The following KCTD13 variants were observed in gnomAD, a reference collection of about 807,000 sequenced individuals.
KCTD13 encodes potassium channel tetramerization domain containing 13, also known as BTB/POZ domain-containing adapter for CUL3-mediated RhoA degradation protein 1.
A neutral mutation model predicts 32.3 loss-of-function variants in KCTD13; 15 were observed. The ratio of observed to expected loss-of-function variants is 0.46; its 90% CI spans 0.31 to 0.71. The LOEUF (loss-of-function observed/expected upper bound fraction) is 0.71. Ranked by LOEUF, KCTD13 falls within the 30% of genes least tolerant of loss-of-function variation. The probability of loss-of-function intolerance (pLI) is 0.05; values close to 1 mark genes in which losing one functional copy is unlikely to be tolerated. For missense variants in KCTD13, 337 were observed against 452.6 expected, an observed-to-expected ratio of 0.74 and a Z score of 2.32; for synonymous variants, 189 against 200.1, an observed-to-expected ratio of 0.94 and a Z score of 0.47.
chr16:29,911,585 C>T (rs573059314), intron 4 of KCTD13: 5 of 596,974 alleles, frequency 8.4e-6, no homozygotes, highest in Admixed American at 3.0e-5. Flanking sequence ...GGGATAGGCT[C>T]GCCACTATCA....
rs117594597 is a variant in KCTD13, at chr16:29,911,297, G to C, written c.558-124C>G. ...GCCCAGGGCTTTGGTGCTCAACAGA[G>C]AGCCTCCTCCACCCCTGGGGCCAGG... On this transcript the variant is annotated intron_variant, in intron 4 of 5. Coordinates refer to ENST00000568000, the MANE Select transcript of KCTD13 (RefSeq NM_178863.5). The C allele has an allele frequency of 3.0e-4, 224 of 749,976 alleles. No homozygotes were observed. In the East Asian group the frequency reaches 6.0e-3, roughly 20 times the overall value. 46.5% of individuals were successfully genotyped at this position (749,976 alleles called of 1,614,324 possible).
rs760282523 is a variant in KCTD13, at chr16:29,923,067, G to A, written c.414+123C>T. 7.4e-6 allele frequency: 8 copies of A among 1,082,038 alleles called. No homozygotes were observed. The Admixed American group carries it at 8.3e-5, about 11-fold the overall frequency. 67.0% of individuals were successfully genotyped at this position (1,082,038 alleles called of 1,614,324 possible). On this transcript the variant is annotated intron_variant, in intron 2 of 5. Coordinates refer to ENST00000568000, the MANE Select transcript of KCTD13 (RefSeq NM_178863.5). ...CAGAAGATGGCACCTCAAATTCTCT[G>A]GGGTTATGGCCAGCCAAAGCCAGGC...
At chr16:29,921,343 TG>T (rs1480936887) in intron 2 of KCTD13, 1 of 152,054 alleles carries the variant, frequency 6.6e-6, no homozygotes, top group Non-Finnish European at 1.5e-5. Context: ...CCAATATTGA[TG>T]AAGTGCCACA....
chr16:29,911,676 T>C (rs1299142279), intron 4 of KCTD13, 139 bp downstream of exon 4: 1 of 817,156 alleles, frequency 1.2e-6, no homozygotes, highest in African/African-American at 1.7e-5. Flanking sequence ...GCGTCAGGGG[T>C]AAGAGGCGAA....
Position 29,911,066 on chromosome 16 carries a change from C to G in KCTD13, c.665G>C (p.Cys222Ser), listed in dbSNP as rs760599600. The G allele has an allele frequency of 1.2e-6, 2 of 1,614,212 alleles. No individual in the cohort carries two copies. The highest frequency in any genetic ancestry group is 1.7e-5 in the Admixed American group (1 of 60,022). Residue 222 changes from cysteine to serine, a missense_variant, in exon 5 of 6, where the codon TGC becomes TCC. Coordinates refer to ENST00000568000, the MANE Select transcript of KCTD13 (RefSeq NM_178863.5). ...GCCCTGCCCGTAGAAAGACCAGCAG[C>G]AGATCTCGTCCCCCAGGACATCCTT... ...FLKDVLGDEI[C>S]CWSFYGQGRK...
Position 29,926,133 on chromosome 16 carries a change from C to T in KCTD13, c.-100G>A. ...GGCCCCCAGCCCTTGGGCCAGACCG[C>T]TCGGCGCACACGCCCACTCACCGCA... is the stretch of plus-strand genomic sequence containing the variant. On this transcript the variant is annotated 5_prime_UTR_variant, in exon 1 of 6. Coordinates refer to ENST00000568000, the MANE Select transcript of KCTD13 (RefSeq NM_178863.5). 7.6e-7 allele frequency: 1 copy of T among 1,312,188 alleles called. No homozygotes were observed. Among genetic ancestry groups the T allele is most frequent in the South Asian group, 1.6e-5 (1 of 61,374 alleles). 81.3% of individuals were successfully genotyped at this position (1,312,188 alleles called of 1,614,324 possible).
chr16:29,917,871 C>T (rs542364172), intron 2 of KCTD13, among the ~76,000 whole-genome samples: 1 of 152,238 alleles, frequency 6.6e-6, no homozygotes, highest in African/African-American at 2.4e-5. Flanking sequence ...TTGTTTGAAC[C>T]TGGGAGGTGG....
chr16:29,906,834 G>T lies in KCTD13; in HGVS notation c.*38C>A. Reference sequence around the variant, plus strand: ...GGGGAGGGAAAGAGAGAGGGACTGGGTCCCAAGGCAAGAGGAAGGCAGGGG... The same window carrying T: ...GGGGAGGGAAAGAGAGAGGGACTGGTTCCCAAGGCAAGAGGAAGGCAGGGG... On this transcript the variant is annotated 3_prime_UTR_variant, in exon 6 of 6. Transcript: ENST00000568000. 6.4e-7 allele frequency: 1 copy of T among 1,570,788 alleles called. No homozygotes were observed. Among genetic ancestry groups the T allele is most frequent in the Non-Finnish European group, 8.8e-7 (1 of 1,142,260 alleles).
intron 1 of KCTD13, chr16:29,925,477 G>A (rs1234355472): frequency 2.3e-6 from 1 of 428,160 alleles, no homozygotes; most frequent in African/African-American, 2.1e-5. Context: ...GTCTTGAGCT[G>A]AGGGGTGAAG....
chr16:29,911,761 A>AG, intron 4 of KCTD13, 54 bp downstream of exon 4: 7 of 1,591,348 alleles, frequency 4.4e-6, no homozygotes, highest in Non-Finnish European at 6.0e-6. Flanking sequence ...GGGCAGAAGC[A>AG]GGGCTGTGCT....
At position 29,906,530 on chromosome 16, in the gene KCTD13, G is replaced by A. The variant is rs1417030942; in HGVS notation, c.*342C>T. ...GGGAGGCTGCTCAGACTGTGGTGAT[G>A]TCAGGAAGGGCCGCACACTTTGGCA... On this transcript the variant is annotated 3_prime_UTR_variant, in exon 6 of 6. Coordinates refer to ENST00000568000, the MANE Select transcript of KCTD13 (RefSeq NM_178863.5). 2.1e-6 allele frequency: 1 copy of A among 486,998 alleles called. No homozygotes were observed. Among genetic ancestry groups the A allele is most frequent in the Non-Finnish European group, 4.0e-6 (1 of 247,310 alleles). 30.2% of individuals were successfully genotyped at this position (486,998 alleles called of 1,614,324 possible).
intron 2 of KCTD13, chr16:29,920,388 G>C (rs1026698839): frequency 2.0e-5 from 3 of 152,190 alleles, no homozygotes; most frequent in African/African-American, 7.2e-5. Context: ...TCTGAACTTT[G>C]CTGAGAACAG....
At chr16:29,914,975 CAAA>C (rs538063744) in intron 2 of KCTD13, 3 of 128,838 alleles carry the variant, frequency 2.3e-5, no homozygotes, top group Non-Finnish European at 5.0e-5. Context: ...GACTCTGTCT[CAAA>C]AAAAAAAAAA....
intron 2 of KCTD13, chr16:29,921,192 T>C (rs1276127340): frequency 1.3e-5 from 2 of 152,160 alleles, no homozygotes; most frequent in Admixed American, 6.5e-5. Flanking sequence ...TGCACACATA[T>C]GCAGAACAAT....
intron 4 of KCTD13, chr16:29,911,558 C>G (rs2068709743): frequency 1.7e-6 from 1 of 591,306 alleles, no homozygotes; most frequent in African/African-American, 1.9e-5. Flanking sequence ...CTGCCAGTTC[C>G]TAGAATGAGA....
rs748489378 is a variant in KCTD13, at chr16:29,911,111, T to C, written c.620A>G (p.His207Arg). Reference protein sequence around the residue: ...ELFDKLALRFHGRLLFLKDVL... With the variant: ...ELFDKLALRFRGRLLFLKDVL... ...ATCCTTGAGGAAGAGTAGCCGCCCG[T>C]GGAAGCGCAGGGCCAGCTTGTCGAA... The change falls in exon 5 of 6, where the codon CAC becomes CGC. Residue 207 changes from histidine to arginine, a missense_variant. Physicochemically the swap from His to Arg is conservative, Grantham distance 29 (BLOSUM62 0). Around this residue, in one of 3 missense-constraint regions of KCTD13, gnomAD observed 252 missense variants for 340.2 expected, o/e 0.74. Transcript: ENST00000568000. The C allele has an allele frequency of 1.9e-6, 3 of 1,614,096 alleles. 1 individual carries two copies. In the South Asian group the frequency reaches 3.3e-5, roughly 18 times the overall value.
chr16:29,911,364 TCCCAG>T (rs2068705816), intron 4 of KCTD13, 191 bp from the exon 5 acceptor site: 10 of 602,668 alleles, frequency 1.7e-5, no homozygotes, highest in Non-Finnish European at 2.6e-5. Context: ...GCTGAGCAAA[TCCCAG>T]CACAGCACAG....
chr16:29,921,959 ACT>A (rs1300704494), intron 2 of KCTD13: 1 of 152,048 alleles, frequency 6.6e-6, no homozygotes, highest in Non-Finnish European at 1.5e-5. Context: ...CGACAGAGAG[ACT>A]CTGTCTCAAA....
chr16:29,915,715 C>T (rs1174706894), intron 2 of KCTD13, among the ~76,000 whole-genome samples: 5 of 152,154 alleles, frequency 3.3e-5, no homozygotes, highest in Non-Finnish European at 7.3e-5. Context: ...TTAACCTTCT[C>T]AGAAGCGTGA....
Sources: allele counts gnomAD v4.1 joint callset (sites outside exome capture counted in the v4.1 genomes callset), GRCh38; gene constraint gnomAD v4.1.1; regional missense constraint gnomAD v4.1.1; transcripts MANE v1.5; gene names NCBI Gene and HGNC (gene_info 2026-07-23, HGNC 2026-07-21).